Variants in PXDN observed in about 807,000 individuals in gnomAD.
PXDN encodes peroxidasin homolog.
PXDN carries 77 observed loss-of-function variants against 140.3 expected under a neutral mutation model. The ratio of observed to expected loss-of-function variants is 0.55; its 90% CI spans 0.46 to 0.66. PXDN has a LOEUF of 0.66. Ranked by LOEUF, PXDN falls within the 30% of genes least tolerant of loss-of-function variation. The pLI is 0.00. For missense variants in PXDN, 1,838 were observed against 2,039.5 expected, an observed-to-expected ratio of 0.90 and a Z score of 1.90; for synonymous variants, 911 against 857.4, an observed-to-expected ratio of 1.06 and a Z score of -1.09.
chr2:1,660,847 C>CCATGTGGGTAGATGTGGG lies in PXDN; in HGVS notation c.1837+16_1837+33dup. On this transcript the variant is annotated intron_variant, in intron 14 of 22. Coordinates refer to ENST00000252804, the MANE Select transcript of PXDN (RefSeq NM_012293.3). This position sits in a 1 kb window ranked among gnomAD's most constrained non-coding sequence, Gnocchi z 4.6. ...GACCTGCGGGCTTTCTTTGTGGATA[C>CCATGTGGGTAGATGTGGG]CATGTGGGTAGATGTGGGCATGTGG... 6.3e-7 allele frequency: 1 copy of CCATGTGGGTAGATGTGGG among 1,590,472 alleles called. No homozygotes were observed. The highest frequency in any genetic ancestry group is 8.6e-7 in the Non-Finnish European group (1 of 1,165,508).
chr2:1,710,221 A>G (rs143268813), intron 1 of PXDN, among the ~76,000 whole-genome samples: 2,434 of 152,296 alleles, frequency 0.016, 37 homozygotes, highest in Admixed American at 0.041. Flanking sequence ...ACGCCGAAGA[A>G]CAGCTGCCGT....
At position 1,648,274 on chromosome 2, in the gene PXDN, G is replaced by C. The variant is rs376896640; in HGVS notation, c.3506C>G (p.Pro1169Arg). 1.2e-6 allele frequency: 2 copies of C among 1,613,832 alleles called. No individual in the cohort carries two copies. Among genetic ancestry groups the C allele is most frequent in the African/African-American group, 2.7e-5 (2 of 74,908 alleles). The change falls in exon 17 of 23, where the codon CCC becomes CGC. Residue 1169 changes from proline (P) to arginine (R), a missense_variant. Around this residue, in one of 5 missense-constraint regions of PXDN, gnomAD observed 850 missense variants for 894.1 expected, o/e 0.95. Coordinates refer to ENST00000252804, the MANE Select transcript of PXDN (RefSeq NM_012293.3). This position sits in a 1 kb window ranked among gnomAD's most constrained non-coding sequence, Gnocchi z 8.9. ...IQRGRDHGIP[P>R]YHDYRVYCNL... ...GCAGTAGACCCTGTAGTCGTGGTAG[G>C]GTGGGATCCCGTGGTCCCGGCCCCG...
intron 21 of PXDN, among the ~76,000 whole-genome samples, chr2:1,638,055 T>C (rs1034619271): frequency 6.6e-6 from 1 of 152,138 alleles, no homozygotes; most frequent in Non-Finnish European, 1.5e-5. Flanking sequence ...GGGGGTTACC[T>C]TGGGGCTACA....
At chr2:1,731,502 G>A (rs1007612080) in intron 1 of PXDN, among the ~76,000 whole-genome samples, 39 of 152,206 alleles carry the variant, frequency 2.6e-4, no homozygotes, top group Non-Finnish European at 5.9e-5. Flanking sequence ...CAGCTTCGAG[G>A]CCAGGGATGG....
At chr2:1,731,172 ACACACAC>A (rs1430015010) in intron 1 of PXDN, among the ~76,000 whole-genome samples, 50 of 152,024 alleles carry the variant, frequency 3.3e-4, no homozygotes, top group African/African-American at 1.2e-3. Context: ...ACACACACAC[ACACACAC>A]ATGAACTAGT....
chr2:1,648,326 G>A lies in PXDN; in HGVS notation c.3454C>T (p.Leu1152=). ...TGGATGTTGATGGCCGCCAGGTCCA[G>A]AGCCACCGTGTGTGCCATGGAGAAC... is the stretch of plus-strand genomic sequence containing the variant. The part of the protein sequence containing the change: ...RLFSMAHTVA[L]DLAAINIQRG... Residue 1152 remains leucine, a synonymous_variant, in exon 17 of 23, where the codon CTG becomes TTG. Transcript: ENST00000252804. The surrounding 1 kb of genome is among the most constrained non-coding windows in gnomAD (Gnocchi z 8.9). The A allele has an allele frequency of 6.2e-7, 1 of 1,613,858 alleles. No individual in the cohort carries two copies. The highest frequency in any genetic ancestry group is 8.5e-7 in the Non-Finnish European group (1 of 1,179,904).
At chr2:1,691,630 T>C (rs1193617347) in intron 3 of PXDN, among the ~76,000 whole-genome samples, 2 of 152,178 alleles carry the variant, frequency 1.3e-5, no homozygotes, top group East Asian at 3.9e-4. Context: ...CACTTTCCCC[T>C]CTGGAAGCAT....
At position 1,687,771 on chromosome 2, in the gene PXDN, A is replaced by G; in HGVS notation, c.345-68T>C. The G allele has an allele frequency of 8.2e-7, 1 of 1,212,370 alleles. No homozygotes were observed. Among genetic ancestry groups the G allele is most frequent in the Non-Finnish European group, 1.2e-6 (1 of 847,470 alleles). The allele number at this position is 1,212,370 out of a possible 1,614,324, so 75.1% of individuals were successfully genotyped here. On this transcript the variant is annotated intron_variant, in intron 3 of 22. Coordinates refer to ENST00000252804, the MANE Select transcript of PXDN (RefSeq NM_012293.3). The surrounding 1 kb of genome is among the most constrained non-coding windows in gnomAD (Gnocchi z 4.0). ...GGTCAAACTTCAGACGGAAAAGAAG[A>G]ATTAAATTGACACATGGAGACAGTT...
chr2:1,635,458 C>A lies in PXDN; in HGVS notation c.4270G>T (p.Ala1424Ser). 1 of 1,602,568 alleles carries A rather than the reference C, an allele frequency of 6.2e-7. No individual in the cohort carries two copies. The highest frequency in any genetic ancestry group is 8.5e-7 in the Non-Finnish European group (1 of 1,174,046). The change falls in exon 22 of 23, where the codon GCC becomes TCC. Residue 1424 changes from alanine (A) to serine (S), a missense_variant. This residue lies in a region of PXDN where 850 missense variants were observed against 894.1 expected (regional missense o/e 0.95). Transcript: ENST00000252804. ...ECVDAGGESH[A>S]NNTKWKKDAC... ...TCTTTTTTCCACTTGGTGTTGTTGG[C>A]GTGAGATTCGCCCCCGGCATCCACG...
chr2:1,707,773 A>AGGTGCC (rs903841083), intron 1 of PXDN, among the ~76,000 whole-genome samples: 1 of 151,970 alleles, frequency 6.6e-6, no homozygotes, highest in African/African-American at 2.4e-5. Flanking sequence ...ATTCGTACCA[A>AGGTGCC]GGTGCCGAAA....
At chr2:1,683,556 T>A in intron 6 of PXDN, 100 bp downstream of exon 6, 1 of 483,046 alleles carries the variant, frequency 2.1e-6, no homozygotes, top group South Asian at 3.4e-5. Context: ...AATCAGATTG[T>A]TATCAACATT....
chr2:1,645,747 C>T (rs1400196629), intron 17 of PXDN, among the ~76,000 whole-genome samples: 3 of 152,228 alleles, frequency 2.0e-5, no homozygotes, highest in Admixed American at 6.5e-5. Flanking sequence ...ACCCTGGCAG[C>T]ATCTGGTCTG....
At chr2:1,710,900 CCA>C (rs1179338024) in intron 1 of PXDN, among the ~76,000 whole-genome samples, 1 of 120,760 alleles carries the variant, frequency 8.3e-6, no homozygotes, top group Non-Finnish European at 1.7e-5. Flanking sequence ...CCACCAGCAC[CCA>C]CTCTCCACCA....
At chr2:1,658,924 G>A (rs1355854442) in intron 14 of PXDN, among the ~76,000 whole-genome samples, 2 of 152,018 alleles carry the variant, frequency 1.3e-5, no homozygotes, top group African/African-American at 2.4e-5. Context: ...CTTGCCCTGC[G>A]GTTCCTCACG....
At chr2:1,701,065 T>C (rs1351616226) in intron 1 of PXDN, among the ~76,000 whole-genome samples, 1 of 152,142 alleles carries the variant, frequency 6.6e-6, no homozygotes, top group Non-Finnish European at 1.5e-5. Context: ...CTGAGTCCTA[T>C]CTCCCCGTCC....
chr2:1,693,025 A>G (rs372703245), intron 2 of PXDN, 38 bp downstream of exon 2: 6 of 1,478,774 alleles, frequency 4.1e-6, no homozygotes, highest in Non-Finnish European at 5.5e-6. Flanking sequence ...AATGATTTCT[A>G]TTTTTCTATT....
rs371402803 is a variant in PXDN, at chr2:1,683,695, A to T, written c.521T>A (p.Val174Asp). 5.4e-5 allele frequency: 87 copies of T among 1,607,970 alleles called. No individual in the cohort carries two copies. Among genetic ancestry groups the T allele is most frequent in the Non-Finnish European group, 7.0e-5 (82 of 1,178,068 alleles). ...TTCCAAGTGATTAAATGTCCCTGGA[A>T]CTAAATGTGTAATCCGGTTGTTATG... ...FLHNNRITHLVPGTFNHLESM... is the reference protein window; with the variant it reads ...FLHNNRITHLDPGTFNHLESM... Residue 174 changes from valine (V) to aspartate (D), a missense_variant, in exon 6 of 23, where the codon GTT (valine) becomes GAT (aspartate). Val to Asp is a radical substitution (Grantham distance 152). Coordinates refer to ENST00000252804, the MANE Select transcript of PXDN (RefSeq NM_012293.3).
rs1327814567 is a variant in PXDN at position 1,692,003 on chromosome 2, T to C, written c.273-4A>G. On this transcript the variant is annotated splice_region_variant and splice_polypyrimidine_tract_variant and intron_variant, in intron 2 of 22. Coordinates refer to ENST00000252804, the MANE Select transcript of PXDN (RefSeq NM_012293.3). ...GATCTGATTATTATTGAGAAGCCTA[T>C]GAAAGAGAGTCGATAAGAATTTTAA... The C allele has an allele frequency of 1.3e-5, 19 of 1,508,782 alleles. No individual in the cohort carries two copies. Among genetic ancestry groups the C allele is most frequent in the African/African-American group, 5.6e-5 (4 of 71,642 alleles). The allele number at this position is 1,508,782 out of a possible 1,614,324, so 93.5% of individuals were successfully genotyped here.
intron 3 of PXDN, among the ~76,000 whole-genome samples, chr2:1,690,428 A>T (rs932984947): frequency 4.6e-5 from 7 of 152,202 alleles, no homozygotes; most frequent in African/African-American, 1.7e-4. Context: ...AAAACAGAGC[A>T]TCCCCAACAA....
Sources: gnomAD v4.1 joint callset for allele counts (sites outside exome capture counted in the v4.1 genomes callset) on GRCh38, gnomAD v4.1.1 for gene constraint, gnomAD v4.1.1 regional missense constraint, Gnocchi (gnomAD v3.1) non-coding constraint, MANE v1.5 for transcripts, NCBI Gene and HGNC (gene_info 2026-07-23, HGNC 2026-07-21) for gene names.